The following SLC4A10 variants were observed in gnomAD, a reference collection of about 807,000 sequenced individuals.
SLC4A10 encodes solute carrier family 4 member 10, also known as sodium-driven chloride bicarbonate exchanger.
A neutral mutation model predicts 137.7 loss-of-function variants in SLC4A10; 42 were observed. That is an observed-to-expected ratio of 0.30 (90% CI 0.24 to 0.39). The LOEUF (loss-of-function observed/expected upper bound fraction) is 0.39, where lower values mean the gene tolerates loss of function less well. SLC4A10 is among the 10% of genes least tolerant of loss of function. SLC4A10 has a pLI of 1.00. For synonymous variants in SLC4A10, 474 were observed against 464.1 expected, an observed-to-expected ratio of 1.02 and a Z score of -0.27; for missense variants, 925 against 1,355.0, an observed-to-expected ratio of 0.68 and a Z score of 4.98.
intron 1 of SLC4A10, among the ~76,000 whole-genome samples, chr2:161,763,540 T>C (rs2050474570): frequency 1.3e-5 from 2 of 152,110 alleles, no homozygotes; most frequent in African/African-American, 2.4e-5. Flanking sequence ...GTACTACCCC[T>C]AGGCCTAAAG....
intron 1 of SLC4A10, among the ~76,000 whole-genome samples, chr2:161,716,965 T>C (rs2044984966): frequency 6.6e-6 from 1 of 152,214 alleles, no homozygotes; most frequent in African/African-American, 2.4e-5. Context: ...GAGTCATCTC[T>C]GATTTCCTTG....
At chr2:161,786,997 G>C (rs996221818) in intron 2 of SLC4A10, among the ~76,000 whole-genome samples, 1 of 151,960 alleles carries the variant, frequency 6.6e-6, no homozygotes, top group Non-Finnish European at 1.5e-5. Context: ...TATGACAGGA[G>C]AGTATTGTCC....
At chr2:161,927,094 G>A (rs1689293889) in intron 15 of SLC4A10, among the ~76,000 whole-genome samples, 1 of 152,138 alleles carries the variant, frequency 6.6e-6, no homozygotes, top group Admixed American at 6.5e-5. Context: ...TTCTGAATCT[G>A]AATGTTGGCC....
At chr2:161,819,711 G>A (rs2057448654) in intron 3 of SLC4A10, among the ~76,000 whole-genome samples, 2 of 152,030 alleles carry the variant, frequency 1.3e-5, no homozygotes, top group Non-Finnish European at 2.9e-5. Context: ...GGCCAAGCTG[G>A]TCTCGAACTC....
intron 8 of SLC4A10, among the ~76,000 whole-genome samples, chr2:161,875,379 T>G (rs1319484855): frequency 6.6e-6 from 1 of 152,154 alleles, no homozygotes; most frequent in East Asian, 1.9e-4. Context: ...AATATGCAGA[T>G]TCCAAACATT....
intron 3 of SLC4A10, among the ~76,000 whole-genome samples, chr2:161,839,228 C>T (rs942051305): frequency 1.1e-4 from 17 of 152,214 alleles, no homozygotes; most frequent in African/African-American, 3.9e-4. Context: ...AGGTTATATG[C>T]TGCGTTTCCA....
intron 10 of SLC4A10, among the ~76,000 whole-genome samples, chr2:161,891,711 G>T (rs1056210585): frequency 1.3e-5 from 2 of 151,818 alleles, no homozygotes; most frequent in African/African-American, 4.8e-5. Flanking sequence ...TTTCTTCAAG[G>T]TTCTTAGCTT....
intron 2 of SLC4A10, among the ~76,000 whole-genome samples, chr2:161,797,962 G>C (rs190700611): frequency 3.4e-4 from 51 of 151,846 alleles, no homozygotes; most frequent in Middle Eastern, 3.4e-3. Context: ...ACCTTCCCAG[G>C]GTCAGGTAAC....
intron 1 of SLC4A10, among the ~76,000 whole-genome samples, chr2:161,637,672 T>A (rs79299044): frequency 0.14 from 20,828 of 152,182 alleles, 1,920 homozygotes; most frequent in Non-Finnish European, 0.22. Context: ...TTGGGTCATA[T>A]GACAGTTCTA....
chr2:161,759,610 C>T (rs1462876550), intron 1 of SLC4A10, among the ~76,000 whole-genome samples: 1 of 151,908 alleles, frequency 6.6e-6, no homozygotes, highest in Non-Finnish European at 1.5e-5. Flanking sequence ...GCTTATTTCA[C>T]TTAGCGTAAT....
At chr2:161,873,753 T>A (rs1049871458) in intron 7 of SLC4A10, 163 bp from the exon 8 acceptor site, 1 of 597,910 alleles carries the variant, frequency 1.7e-6, no homozygotes, top group African/African-American at 1.9e-5. Context: ...ATCAAGGTTC[T>A]GAAAAGATTA....
chr2:161,811,415 C>T (rs1450524783), intron 3 of SLC4A10, among the ~76,000 whole-genome samples: 1 of 151,832 alleles, frequency 6.6e-6, no homozygotes, highest in Non-Finnish European at 1.5e-5. Context: ...TAAAGCCATA[C>T]TTATGTTGGG....
intron 3 of SLC4A10, among the ~76,000 whole-genome samples, chr2:161,836,484 T>A (rs1332611647): frequency 4.8e-4 from 18 of 37,494 alleles, no homozygotes; most frequent in South Asian, 7.6e-4. Flanking sequence ...GGTGACAGAG[T>A]GAAAGAAAGA....
chr2:161,692,222 T>C (rs1230724754), intron 1 of SLC4A10, among the ~76,000 whole-genome samples: 1 of 152,094 alleles, frequency 6.6e-6, no homozygotes, highest in Non-Finnish European at 1.5e-5. Flanking sequence ...TCTGCCTTTT[T>C]ATAAATTAGC....
intron 1 of SLC4A10, among the ~76,000 whole-genome samples, chr2:161,758,120 T>A (rs1559181545): frequency 6.6e-6 from 1 of 151,938 alleles, no homozygotes; most frequent in Non-Finnish European, 1.5e-5. Context: ...AAGAAAGTTA[T>A]TTTGCTTAAA....
At chr2:161,670,300 TC>T (rs1402781781) in intron 1 of SLC4A10, among the ~76,000 whole-genome samples, 6 of 54,154 alleles carry the variant, frequency 1.1e-4, no homozygotes, top group African/African-American at 2.9e-4. Flanking sequence ...CCTTTCATCT[TC>T]TTTTTTTTTT....
intron 2 of SLC4A10, among the ~76,000 whole-genome samples, chr2:161,776,632 GT>G (rs1217563134): frequency 6.6e-6 from 1 of 151,804 alleles, no homozygotes; most frequent in African/African-American, 2.4e-5. Context: ...CTTCACTATT[GT>G]GAATAGTGTG....
intron 1 of SLC4A10, among the ~76,000 whole-genome samples, chr2:161,724,052 G>C (rs1044967969): frequency 6.6e-6 from 1 of 151,920 alleles, no homozygotes; most frequent in African/African-American, 2.4e-5. Flanking sequence ...CTTCCTTATC[G>C]CAACCTCAAA....
chr2:161,686,985 C>T (rs186107507), intron 1 of SLC4A10, among the ~76,000 whole-genome samples: 1 of 148,756 alleles, frequency 6.7e-6, no homozygotes. Context: ...CGGGTTCAGG[C>T]GATTCTCCTG....
Sources: gnomAD v4.1 joint callset for allele counts (sites outside exome capture counted in the v4.1 genomes callset) on GRCh38, gnomAD v4.1.1 for gene constraint, MANE v1.5 for transcripts, NCBI Gene and HGNC (gene_info 2026-07-23, HGNC 2026-07-21) for gene names.